Variants in NKAIN3 observed in about 807,000 individuals in gnomAD.
NKAIN3 encodes the protein sodium/potassium transporting ATPase interacting 3.
NKAIN3 carries 25 observed loss-of-function variants against 30.2 expected under a neutral mutation model. The ratio of observed to expected loss-of-function variants is 0.83; its 90% confidence interval spans 0.60 to 1.16. The LOEUF is 1.16. Ranked by LOEUF, NKAIN3 falls within the 50% of genes most tolerant of loss-of-function variation. NKAIN3 has a pLI of 0.00. For missense variants in NKAIN3, 225 were observed against 254.1 expected (o/e 0.89, Z 0.78); for synonymous variants, 91 against 89.6 (o/e 1.02, Z -0.09).
chr8:62,629,848 A>C (rs1428969225), intron 3 of NKAIN3, among the ~76,000 whole-genome samples: 1 of 152,100 alleles, frequency 6.6e-6, no homozygotes, highest in African/African-American at 2.4e-5. Context: ...TTATATATGG[A>C]TCTGTATTCA....
chr8:62,316,686 C>T lies in NKAIN3; in HGVS notation c.54+67559C>T, dbSNP rs181105738. The stretch of plus-strand genomic sequence containing the variant: ...TTTAATCCAGTCTATCATTGTTGGA[C>T]ATTTGGGTTGGTTCCAAGTCTTTGC... On this transcript the variant is annotated intron_variant, in intron 1 of 6. Coordinates refer to ENST00000623646, the MANE Select transcript of NKAIN3 (RefSeq NM_001304533.3). Among the ~76,000 whole-genome samples the T allele has an allele frequency of 6.3e-3, 962 of 152,184 alleles. 7 individuals carry two copies. The highest frequency in any genetic ancestry group is 0.022 in the African/African-American group (911 of 41,506).
intron 1 of NKAIN3, among the ~76,000 whole-genome samples, chr8:62,489,163 C>A (rs955144173): frequency 6.0e-5 from 9 of 150,548 alleles, no homozygotes; most frequent in African/African-American, 2.0e-4. Flanking sequence ...ACTACAGGTG[C>A]CCGCCACCAC....
intron 1 of NKAIN3, among the ~76,000 whole-genome samples, chr8:62,520,887 T>G (rs1808133549): frequency 6.6e-6 from 1 of 151,672 alleles, no homozygotes; most frequent in South Asian, 2.1e-4. Flanking sequence ...TCACAAAAAT[T>G]ATTTTAAATA....
intron 3 of NKAIN3, among the ~76,000 whole-genome samples, chr8:62,621,817 A>T (rs1158867805): frequency 6.6e-6 from 1 of 152,006 alleles, no homozygotes; most frequent in East Asian, 1.9e-4. Flanking sequence ...CTTTTTTCTG[A>T]AAGTTTTACA....
intron 3 of NKAIN3, among the ~76,000 whole-genome samples, chr8:62,723,474 G>A (rs1815159669): frequency 1.3e-5 from 2 of 152,032 alleles, no homozygotes; most frequent in Admixed American, 6.6e-5. Flanking sequence ...TAGCATAAAA[G>A]GGAAAACATC....
intron 1 of NKAIN3, among the ~76,000 whole-genome samples, chr8:62,453,345 G>T (rs1360301944): frequency 2.0e-5 from 3 of 152,112 alleles, no homozygotes; most frequent in Non-Finnish European, 4.4e-5. Flanking sequence ...ATGAGAAAAA[G>T]ATACAACATA....
At chr8:62,779,348 C>T (rs147743055) in intron 4 of NKAIN3, among the ~76,000 whole-genome samples, 2 of 152,272 alleles carry the variant, frequency 1.3e-5, no homozygotes, top group African/African-American at 4.8e-5. Flanking sequence ...AGAGCACTCA[C>T]CCTTCAATGG....
At chr8:62,452,998 A>T (rs901586529) in intron 1 of NKAIN3, among the ~76,000 whole-genome samples, 1 of 152,226 alleles carries the variant, frequency 6.6e-6, no homozygotes, top group Non-Finnish European at 1.5e-5. Context: ...AGAAAAAAGA[A>T]ATTCTCACAA....
At chr8:62,627,370 C>G (rs929031155) in intron 3 of NKAIN3, among the ~76,000 whole-genome samples, 2 of 152,072 alleles carry the variant, frequency 1.3e-5, no homozygotes, top group Admixed American at 1.3e-4. Flanking sequence ...TATTTACAGC[C>G]TGTTATAAAT....
intron 5 of NKAIN3, among the ~76,000 whole-genome samples, chr8:62,924,822 C>T (rs1822390727): frequency 6.6e-6 from 1 of 152,084 alleles, no homozygotes; most frequent in Non-Finnish European, 1.5e-5. Context: ...GGTGAGGGCC[C>T]ACTTCTCTCT....
In NKAIN3 at chr8:62,379,997, A is replaced by G. The variant is rs1157056153; in HGVS notation, c.54+130870A>G. 4.6e-5 allele frequency among the ~76,000 whole-genome samples: 7 copies of G among 152,158 alleles called. No homozygotes were observed. In the East Asian group the frequency reaches 1.2e-3, roughly 25 times the overall value. ...ATAAATGTCCCTGTCATGATATCTC[A>G]TGTCTGAGGCAATTCAATGTATTTA... On this transcript the variant is annotated intron_variant, in intron 1 of 6. Coordinates refer to ENST00000623646, the MANE Select transcript of NKAIN3 (RefSeq NM_001304533.3).
chr8:62,523,311 G>A (rs1024424162), intron 1 of NKAIN3, among the ~76,000 whole-genome samples: 2 of 152,064 alleles, frequency 1.3e-5, no homozygotes, highest in Non-Finnish European at 2.9e-5. Flanking sequence ...TCCTTACAGC[G>A]AAACTGTCTA....
At chr8:62,841,487 C>G (rs1819531123) in intron 4 of NKAIN3, among the ~76,000 whole-genome samples, 1 of 152,108 alleles carries the variant, frequency 6.6e-6, no homozygotes, top group African/African-American at 2.4e-5. Context: ...CCAAGCCCCC[C>G]ATCCCTGGCT....
chr8:62,289,013 T>A (rs1306536125), intron 1 of NKAIN3, among the ~76,000 whole-genome samples: 3 of 152,260 alleles, frequency 2.0e-5, no homozygotes, highest in Non-Finnish European at 2.9e-5. Context: ...CATTTTTTTA[T>A]GTATCTGTTG....
intron 3 of NKAIN3, among the ~76,000 whole-genome samples, chr8:62,621,234 C>T (rs1445120287): frequency 1.3e-5 from 2 of 152,028 alleles, no homozygotes; most frequent in Non-Finnish European, 2.9e-5. Context: ...TCCAGGTTTT[C>T]AATAAATTGC....
intron 3 of NKAIN3, among the ~76,000 whole-genome samples, chr8:62,631,354 C>T (rs1811953835): frequency 6.6e-6 from 1 of 152,174 alleles, no homozygotes; most frequent in South Asian, 2.1e-4. Flanking sequence ...TATTTCTCAC[C>T]TTGGTGAGGG....
intron 3 of NKAIN3, among the ~76,000 whole-genome samples, chr8:62,741,484 G>T (rs1033674853): frequency 1.1e-4 from 16 of 152,142 alleles, no homozygotes; most frequent in Non-Finnish European, 1.9e-4. Flanking sequence ...CTCCCATGTG[G>T]AATGTCTTCT....
In NKAIN3 at chr8:62,477,795, G is replaced by C. The variant is rs58995924; in HGVS notation, c.55-101744G>C. Reference sequence around the variant, plus strand: ...GGCACAGGCCAGAAGCTGGGGATAAGAGGATTGACATTCTGGGACCCAGAG... The same window carrying C: ...GGCACAGGCCAGAAGCTGGGGATAACAGGATTGACATTCTGGGACCCAGAG... On this transcript the variant is annotated intron_variant, in intron 1 of 6. Transcript: ENST00000623646. Among the ~76,000 whole-genome samples, 813 of 152,230 alleles carry C rather than the reference G, an allele frequency of 5.3e-3. 5 individuals are homozygous for C. The highest frequency in any genetic ancestry group is 0.018 in the African/African-American group (765 of 41,530).
chr8:62,432,155 A>G (rs1805023143), intron 1 of NKAIN3, among the ~76,000 whole-genome samples: 1 of 151,978 alleles, frequency 6.6e-6, no homozygotes, highest in Non-Finnish European at 1.5e-5. Flanking sequence ...AAAATGCACA[A>G]AAAGGTCTCT....
Sources: allele counts gnomAD v4.1 joint callset (sites outside exome capture counted in the v4.1 genomes callset), GRCh38; gene constraint gnomAD v4.1.1; transcripts MANE v1.5; gene names NCBI Gene and HGNC (gene_info 2026-07-23, HGNC 2026-07-21).